ZFAND6: variants seen among roughly 807,000 people sequenced by gnomAD.
The protein encoded by ZFAND6 is zinc finger AN1-type containing 6, also known as AN1-type zinc finger protein 6.
ZFAND6 carries 12 observed loss-of-function variants against 24.5 expected under a neutral mutation model. The observed-to-expected ratio is 0.49, with a 90% CI of 0.31 to 0.79. The LOEUF (loss-of-function observed/expected upper bound fraction) is 0.79. Ranked by LOEUF, ZFAND6 falls within the 30% of genes least tolerant of loss-of-function variation. ZFAND6 has a pLI of 0.04. For synonymous variants in ZFAND6, 92 were observed against 81.5 expected, an observed-to-expected ratio of 1.13 and a Z score of -0.69; for missense variants, 207 against 245.9, an observed-to-expected ratio of 0.84 and a Z score of 1.06.
chr15:80,132,251 A>T (rs183493339), intron 6 of ZFAND6, among the ~76,000 whole-genome samples: 119 of 152,360 alleles, frequency 7.8e-4, no homozygotes, highest in Non-Finnish European at 1.3e-3. Flanking sequence ...TGAACTGTAT[A>T]GCCTAGAAAT....
intron 2 of ZFAND6, 117 bp from the exon 3 acceptor site, chr15:80,120,211 A>T: frequency 1.2e-6 from 1 of 809,554 alleles, no homozygotes; most frequent in Non-Finnish European, 1.8e-6. Flanking sequence ...TGGGACAGTT[A>T]TGTAGAATAG....
chr15:80,102,391 A>G (rs754104909), intron 2 of ZFAND6, among the ~76,000 whole-genome samples: 20 of 152,194 alleles, frequency 1.3e-4, no homozygotes, highest in Admixed American at 1.3e-4. Context: ...CTAGGATTAC[A>G]GGTGTGAGCC....
intron 2 of ZFAND6, among the ~76,000 whole-genome samples, chr15:80,116,115 A>G (rs1028379110): frequency 5.2e-5 from 7 of 134,070 alleles, no homozygotes; most frequent in Non-Finnish European, 1.1e-4. Context: ...TTTTTTTCTT[A>G]AGTGGCCCCC....
Position 80,131,240 on chromosome 15 carries a change from C to T in ZFAND6, c.425C>T (p.Pro142Leu), listed in dbSNP as rs572142459. Residue 142 changes from proline (P) to leucine (L), a missense_variant, in exon 6 of 7, where the codon CCG becomes CTG. Physicochemically the swap from Pro to Leu is moderately conservative, Grantham distance 98. Coordinates refer to ENST00000261749, the MANE Select transcript of ZFAND6 (RefSeq NM_019006.4). ...SEEQSKSLEK[P>L]KQKKNRCFMC... ...GAGCAAAGCAAGTCTCTTGAAAAAC[C>T]GAAACAAAAAAAGAATCGCTGTTTC... 515 of 1,611,998 alleles carry T rather than the reference C, an allele frequency of 3.2e-4. 1 individual carries two copies. The highest frequency in any genetic ancestry group is 4.0e-4 in the Non-Finnish European group (468 of 1,178,918).
intron 2 of ZFAND6, among the ~76,000 whole-genome samples, chr15:80,119,975 T>A (rs1263556156): frequency 6.6e-6 from 1 of 152,208 alleles, no homozygotes; most frequent in Non-Finnish European, 1.5e-5. Context: ...TCAAAACTTA[T>A]AATGTATATC....
At chr15:80,096,512 G>A (rs1027334164) in intron 1 of ZFAND6, among the ~76,000 whole-genome samples, 1 of 152,132 alleles carries the variant, frequency 6.6e-6, no homozygotes, top group African/African-American at 2.4e-5. Flanking sequence ...CGATTATAGA[G>A]AAACATTTGA....
intron 2 of ZFAND6, chr15:80,112,756 C>CTTTA (rs1567084248): frequency 6.6e-6 from 3 of 455,800 alleles, no homozygotes; most frequent in Non-Finnish European, 1.3e-5. Flanking sequence ...CCTCATGTCT[C>CTTTA]TTTATTACCC....
chr15:80,098,055 C>A (rs1253620136), intron 1 of ZFAND6, among the ~76,000 whole-genome samples: 1 of 152,150 alleles, frequency 6.6e-6, no homozygotes, highest in African/African-American at 2.4e-5. Context: ...ACTCTAAAGG[C>A]ATTCCACTGA....
At chr15:80,064,975 C>T (rs2036534111) in intron 1 of ZFAND6, among the ~76,000 whole-genome samples, 1 of 138,790 alleles carries the variant, frequency 7.2e-6, no homozygotes, top group African/African-American at 2.7e-5. Flanking sequence ...ACAGTGTTGT[C>T]TTTTCTCTTG....
intron 2 of ZFAND6, among the ~76,000 whole-genome samples, chr15:80,117,885 G>A (rs1006187847): frequency 2.0e-5 from 3 of 151,970 alleles, no homozygotes; most frequent in Non-Finnish European, 2.9e-5. Flanking sequence ...TCCATATGGT[G>A]AAAAAGGCAA....
intron 1 of ZFAND6, chr15:80,075,293 A>G (rs1032870965): frequency 4.0e-6 from 1 of 248,722 alleles, no homozygotes; most frequent in Non-Finnish European, 8.1e-6. Context: ...ATTTAATGTT[A>G]TTGCTACCAA....
chr15:80,075,299 A>G, intron 1 of ZFAND6: 1 of 253,114 alleles, frequency 4.0e-6, no homozygotes, highest in African/African-American at 2.3e-5. Context: ...TGTTATTGCT[A>G]CCAAATAGAG....
chr15:80,124,145 A>G (rs1401954244), intron 5 of ZFAND6, among the ~76,000 whole-genome samples: 1 of 152,228 alleles, frequency 6.6e-6, no homozygotes, highest in East Asian at 1.9e-4. Context: ...TAAAGAAATA[A>G]GGAAAAGACT....
At chr15:80,096,475 T>A (rs1400575555) in intron 1 of ZFAND6, among the ~76,000 whole-genome samples, 1 of 152,230 alleles carries the variant, frequency 6.6e-6, no homozygotes, top group Admixed American at 6.5e-5. Flanking sequence ...GAATTATTTT[T>A]AAAATATTCA....
intron 6 of ZFAND6, among the ~76,000 whole-genome samples, chr15:80,133,119 A>G (rs1040681034): frequency 1.3e-5 from 2 of 152,066 alleles, no homozygotes; most frequent in African/African-American, 4.8e-5. Flanking sequence ...TGAAGTCATT[A>G]TATCACAGCT....
intron 6 of ZFAND6, 100 bp from the exon 7 acceptor site, chr15:80,137,380 C>T (rs1335690198): frequency 7.6e-7 from 1 of 1,313,450 alleles, no homozygotes; most frequent in East Asian, 2.7e-5. Flanking sequence ...CTTTAGTTTA[C>T]ATTGCTGCCC....
chr15:80,134,869 C>T (rs950258492), intron 6 of ZFAND6, among the ~76,000 whole-genome samples: 1 of 152,240 alleles, frequency 6.6e-6, no homozygotes, highest in African/African-American at 2.4e-5. Flanking sequence ...TTATTCAAGA[C>T]TGCTTTTCAC....
rs188858305 is a variant in ZFAND6 at position 80,128,938 on chromosome 15, G to C, written c.365-2242G>C. On this transcript the variant is annotated intron_variant, in intron 5 of 6. Coordinates refer to ENST00000261749, the MANE Select transcript of ZFAND6 (RefSeq NM_019006.4). ...ATTCAAATTTGTGTCTCAGTAGTTA[G>C]ACCAGTTTTGTTAAAAACTATAATC... 8.5e-5 allele frequency among the ~76,000 whole-genome samples: 13 copies of C among 152,270 alleles called. 1 individual carries two copies. The highest frequency in any genetic ancestry group is 4.6e-4 in the Admixed American group (7 of 15,282).
At chr15:80,111,549 G>A (rs550620031) in intron 2 of ZFAND6, 1 of 455,970 alleles carries the variant, frequency 2.2e-6, no homozygotes, top group South Asian at 1.5e-5. Context: ...AAACAATACA[G>A]TGGCCTCTTG....
Sources: allele counts gnomAD v4.1 joint callset (sites outside exome capture counted in the v4.1 genomes callset), GRCh38; gene constraint gnomAD v4.1.1; transcripts MANE v1.5; gene names NCBI Gene and HGNC (gene_info 2026-07-23, HGNC 2026-07-21).